ELAVL2: variants seen among roughly 807,000 people sequenced by gnomAD.
ELAVL2 encodes ELAV-like protein 2.
In ELAVL2, 4 loss-of-function variants were observed where a neutral mutation model predicts 34.6. That is an observed-to-expected ratio of 0.12 (90% CI 0.06 to 0.26). The LOEUF (loss-of-function observed/expected upper bound fraction) is 0.26, where lower values mean the gene tolerates loss of function less well. ELAVL2 is among the 10% of genes least tolerant of loss of function. The pLI, the probability that ELAVL2 is intolerant of heterozygous loss-of-function variation, is 1.00. For synonymous variants in ELAVL2, 193 were observed against 154.8 expected, an observed-to-expected ratio of 1.25 and a Z score of -1.83; for missense variants, 432 against 442.8, an observed-to-expected ratio of 0.98 and a Z score of 0.22.
chr9:23,769,017 G>A (rs1564374410), intron 1 of ELAVL2, among the ~76,000 whole-genome samples: 1 of 151,910 alleles, frequency 6.6e-6, no homozygotes, highest in East Asian at 1.9e-4. Context: ...GAGTGAACTT[G>A]GTCTCTACAC....
At chr9:23,786,692 A>G (rs2059716849) in intron 1 of ELAVL2, among the ~76,000 whole-genome samples, 1 of 151,274 alleles carries the variant, frequency 6.6e-6, no homozygotes, top group Admixed American at 6.6e-5. Context: ...TAGGACCAGG[A>G]GCCTGTTAAG....
intron 2 of ELAVL2, among the ~76,000 whole-genome samples, chr9:23,736,718 T>C (rs1006415718): frequency 2.6e-5 from 4 of 152,190 alleles, no homozygotes; most frequent in Admixed American, 1.3e-4. Context: ...TGATCACTGC[T>C]ACACTATCCT....
At chr9:23,777,008 G>C (rs1288598758) in intron 1 of ELAVL2, among the ~76,000 whole-genome samples, 1 of 152,118 alleles carries the variant, frequency 6.6e-6, no homozygotes, top group Non-Finnish European at 1.5e-5. Context: ...GAGTTTTCCA[G>C]GTACCCATTT....
intron 1 of ELAVL2, among the ~76,000 whole-genome samples, chr9:23,797,948 G>C (rs962131163): frequency 6.6e-6 from 1 of 150,628 alleles, no homozygotes; most frequent in Non-Finnish European, 1.5e-5. Context: ...AAAAAGAAAA[G>C]AAAAGAAAAA....
Position 23,692,035 on chromosome 9 carries a change from AAAAT to A in ELAVL2, c.*518_*521del, listed in dbSNP as rs1205840688. The A allele has an allele frequency of 6.5e-6, 1 of 153,244 alleles. No individual in the cohort carries two copies. The highest frequency in any genetic ancestry group is 2.4e-5 in the African/African-American group (1 of 41,438). The allele number at this position is 153,244 out of a possible 1,614,324, so 9.5% of individuals were successfully genotyped here. ...CTTCCCCAACCCAAATCATAATTAC[AAAAT>A]AAATACTGTTTTAAACTTCATAAAT... On this transcript the variant is annotated 3_prime_UTR_variant, in exon 7 of 7. Transcript: ENST00000397312.
At chr9:23,753,318 A>G (rs1366595969) in intron 2 of ELAVL2, among the ~76,000 whole-genome samples, 1 of 152,184 alleles carries the variant, frequency 6.6e-6, no homozygotes, top group African/African-American at 2.4e-5. Flanking sequence ...TTTGAAGCAC[A>G]GTTTTAGCTC....
intron 1 of ELAVL2, among the ~76,000 whole-genome samples, chr9:23,786,971 C>G (rs541112160): frequency 1.3e-5 from 2 of 152,208 alleles, no homozygotes; most frequent in African/African-American, 4.8e-5. Context: ...AAAAGGTACA[C>G]TTTTATTTAA....
the ELAVL2 span, among the ~76,000 whole-genome samples, chr9:23,835,575 C>T: frequency 6.6e-6 from 1 of 152,068 alleles, no homozygotes; most frequent in African/African-American, 2.4e-5. Context: ...ATATAAAGGG[C>T]TTTTTATAAT....
chr9:23,831,802 T>A, the ELAVL2 span, among the ~76,000 whole-genome samples: 2 of 146,388 alleles, frequency 1.4e-5, no homozygotes, highest in Admixed American at 6.8e-5. Flanking sequence ...GAATATTGTT[T>A]AAAAAAAAAA....
At chr9:23,693,375 T>C (rs1490126974) in intron 6 of ELAVL2, 73 bp downstream of exon 6, 4 of 1,571,982 alleles carry the variant, frequency 2.5e-6, no homozygotes, top group Middle Eastern at 1.7e-4. Flanking sequence ...GGGGTGTGAA[T>C]AGCACTCCCA....
At chr9:23,764,606 C>CT (rs1020960029) in intron 1 of ELAVL2, among the ~76,000 whole-genome samples, 13 of 151,408 alleles carry the variant, frequency 8.6e-5, no homozygotes, top group Non-Finnish European at 1.0e-4. Context: ...ACAATTTCAA[C>CT]TTTTTTTTTG....
At chr9:23,771,688 C>T (rs1249551809) in intron 1 of ELAVL2, among the ~76,000 whole-genome samples, 1 of 151,988 alleles carries the variant, frequency 6.6e-6, no homozygotes, top group Non-Finnish European at 1.5e-5. Context: ...TATGTGAGCC[C>T]CCTTAAAACT....
chr9:23,801,821 C>T lies in ELAVL2; in HGVS notation c.-16+23985G>A, dbSNP rs1317881007. On this transcript the variant is annotated intron_variant, in intron 1 of 6. Coordinates refer to ENST00000397312, the MANE Select transcript of ELAVL2 (RefSeq NM_004432.5). ...ATGGGCACCCTTCACTACCAACACCCCATTTTGCATTTTAAAGGGGGAAGG... is the reference window on the plus strand; with the variant it reads ...ATGGGCACCCTTCACTACCAACACCTCATTTTGCATTTTAAAGGGGGAAGG... Among the ~76,000 whole-genome samples, 3 of 152,166 alleles carry T rather than the reference C, an allele frequency of 2.0e-5. No homozygotes were observed. In the East Asian group the frequency reaches 5.8e-4, roughly 29 times the overall value.
intron 1 of ELAVL2, among the ~76,000 whole-genome samples, chr9:23,790,307 G>A (rs1030832487): frequency 2.6e-5 from 4 of 152,160 alleles, no homozygotes; most frequent in Non-Finnish European, 4.4e-5. Context: ...TGGATGAAAG[G>A]AGAGTAGATA....
At chr9:23,699,827 T>TG (rs2036551280) in intron 5 of ELAVL2, among the ~76,000 whole-genome samples, 1 of 42,550 alleles carries the variant, frequency 2.4e-5, no homozygotes, top group Non-Finnish European at 4.8e-5. Context: ...TTTTTTTTTT[T>TG]TTTTTTTTTT....
intron 1 of ELAVL2, among the ~76,000 whole-genome samples, chr9:23,813,605 G>C (rs2063314436): frequency 6.6e-6 from 1 of 152,110 alleles, no homozygotes; most frequent in Non-Finnish European, 1.5e-5. Flanking sequence ...AACTGGCAGG[G>C]AGAAATCCCT....
intron 1 of ELAVL2, among the ~76,000 whole-genome samples, chr9:23,819,138 G>T (rs554272089): frequency 2.0e-5 from 3 of 152,192 alleles, no homozygotes; most frequent in Non-Finnish European, 2.9e-5. Flanking sequence ...AGCCAAGAGC[G>T]GTTGGTTACA....
chr9:23,727,832 T>G (rs116603028), intron 3 of ELAVL2, among the ~76,000 whole-genome samples: 1 of 152,056 alleles, frequency 6.6e-6, no homozygotes, highest in Non-Finnish European at 1.5e-5. Context: ...AAAACCCTAC[T>G]GAGCTAATGC....
At chr9:23,725,144 C>G (rs1390972275) in intron 3 of ELAVL2, among the ~76,000 whole-genome samples, 1 of 152,082 alleles carries the variant, frequency 6.6e-6, no homozygotes, top group Non-Finnish European at 1.5e-5. Context: ...ACAAAACAAA[C>G]CTTCCTCTCC....
Sources: allele counts gnomAD v4.1 joint callset (sites outside exome capture counted in the v4.1 genomes callset), GRCh38; gene constraint gnomAD v4.1.1; transcripts MANE v1.5; gene names NCBI Gene and HGNC (gene_info 2026-07-23, HGNC 2026-07-21).